COLEC12: variants seen among roughly 807,000 people sequenced by gnomAD.
The protein encoded by COLEC12 is collectin subfamily member 12.
A neutral mutation model predicts 71.1 loss-of-function variants in COLEC12; 33 were observed. The observed-to-expected ratio is 0.46, with a 90% CI of 0.35 to 0.62. The LOEUF is 0.62. Ranked by LOEUF, COLEC12 falls within the 20% of genes least tolerant of loss-of-function variation. The pLI, the probability that COLEC12 is intolerant of heterozygous loss-of-function variation, is 0.00. For missense variants in COLEC12, 765 were observed against 916.1 expected (o/e 0.84, Z 2.13); for synonymous variants, 350 against 353.0 (o/e 0.99, Z 0.10).
intron 3 of COLEC12, among the ~76,000 whole-genome samples, chr18:350,924 C>A (rs1278593300): frequency 1.4e-5 from 2 of 146,532 alleles, no homozygotes; most frequent in Non-Finnish European, 3.0e-5. Flanking sequence ...CACGCCATTG[C>A]ACTCCAGCCT....
intron 5 of COLEC12, among the ~76,000 whole-genome samples, chr18:345,471 C>T (rs1246213442): frequency 4.6e-5 from 7 of 152,134 alleles, no homozygotes; most frequent in Non-Finnish European, 8.8e-5. Context: ...CCTCAGCCTC[C>T]GAAAGTGTTA....
chr18:480,906 G>A lies in COLEC12; in HGVS notation c.8-149C>T. The A allele has an allele frequency of 1.4e-6, 1 of 735,900 alleles. No homozygotes were observed. Among genetic ancestry groups the A allele is most frequent in the East Asian group, 2.6e-5 (1 of 39,200 alleles). The allele number at this position is 735,900 out of a possible 1,614,324, so 45.6% of individuals were successfully genotyped here. A position where few individuals can be genotyped will look rare whatever the true frequency, so the allele number is the denominator to read the frequency against. ...CGCACCAGGCTTTCTGGAAGAGGCGGCAGGGGTCTCCACCCTGGCTGCTCC... is the reference window on the plus strand; with the variant it reads ...CGCACCAGGCTTTCTGGAAGAGGCGACAGGGGTCTCCACCCTGGCTGCTCC... On this transcript the variant is annotated intron_variant, in intron 1 of 9. Transcript: ENST00000400256. This position sits in a 1 kb window ranked among gnomAD's most constrained non-coding sequence, Gnocchi z 4.1.
At chr18:418,210 G>A (rs1406986304) in intron 2 of COLEC12, among the ~76,000 whole-genome samples, 2 of 152,200 alleles carry the variant, frequency 1.3e-5, no homozygotes, top group East Asian at 3.8e-4. Flanking sequence ...GTGGAGCAAA[G>A]TAGATAATGG....
At chr18:482,565 G>A (rs556974697) in intron 1 of COLEC12, among the ~76,000 whole-genome samples, 52 of 152,246 alleles carry the variant, frequency 3.4e-4, no homozygotes, top group Middle Eastern at 3.4e-3. Context: ...GACAGAGACT[G>A]CCAGGCTGTG....
intron 8 of COLEC12, among the ~76,000 whole-genome samples, chr18:325,038 A>G (rs1052047383): frequency 2.6e-5 from 4 of 151,608 alleles, no homozygotes; most frequent in African/African-American, 9.7e-5. Flanking sequence ...AAAAATTTAA[A>G]ATAAATTAGC....
chr18:333,844 T>C (rs921039026), intron 6 of COLEC12: 2 of 152,014 alleles, frequency 1.3e-5, no homozygotes, highest in African/African-American at 4.8e-5. Context: ...GAAGGAAATG[T>C]TTTGCATTGT....
At chr18:450,738 G>A (rs771733602) in intron 2 of COLEC12, among the ~76,000 whole-genome samples, 1 of 152,206 alleles carries the variant, frequency 6.6e-6, no homozygotes, top group Non-Finnish European at 1.5e-5. Context: ...ATGGGCAGAG[G>A]TTGGAGGAGT....
At chr18:320,538 A>T (rs115404872) in intron 9 of COLEC12, among the ~76,000 whole-genome samples, 154 of 152,368 alleles carry the variant, frequency 1.0e-3, no homozygotes, top group African/African-American at 3.6e-3. Flanking sequence ...TTCCAAAAAT[A>T]GTTTGACCAA....
chr18:473,764 C>T (rs1208241092), intron 2 of COLEC12, among the ~76,000 whole-genome samples: 1 of 152,226 alleles, frequency 6.6e-6, no homozygotes, highest in East Asian at 1.9e-4. Flanking sequence ...CCCTCAACAA[C>T]AAACACTGGA....
intron 1 of COLEC12, among the ~76,000 whole-genome samples, chr18:481,266 C>A (rs1917409982): frequency 1.3e-5 from 2 of 152,124 alleles, no homozygotes. Flanking sequence ...CTCTCAGGAG[C>A]CGACATAACT....
intron 2 of COLEC12, among the ~76,000 whole-genome samples, chr18:452,255 C>T (rs1788202365): frequency 6.6e-6 from 1 of 152,212 alleles, no homozygotes; most frequent in East Asian, 1.9e-4. Flanking sequence ...GTTCTGAAAG[C>T]AAATGTGGTT....
rs967926796 is a variant in COLEC12, at chr18:429,253, T to C, written c.58+51454A>G. The stretch of plus-strand genomic sequence containing the variant: ...TAACAAGAACACGTTGTCTCTCCCA[T>C]GGTAATGATGCAAATTTCAAAGTAT... On this transcript the variant is annotated intron_variant, in intron 2 of 9. Transcript: ENST00000400256. Among the ~76,000 whole-genome samples, 35 of 152,354 alleles carry C rather than the reference T, an allele frequency of 2.3e-4. No homozygotes were observed. The South Asian group carries it at 3.1e-3, about 14-fold the overall frequency.
chr18:374,622 T>C (rs1186739528), intron 2 of COLEC12, among the ~76,000 whole-genome samples: 2 of 152,184 alleles, frequency 1.3e-5, no homozygotes, highest in Admixed American at 6.5e-5. Flanking sequence ...CCAGAATTTG[T>C]ATAGACTAGC....
chr18:322,121 T>G (rs1913720302), intron 8 of COLEC12, among the ~76,000 whole-genome samples: 1 of 151,702 alleles, frequency 6.6e-6, no homozygotes, highest in Non-Finnish European at 1.5e-5. Context: ...CTTTCTAATG[T>G]GTACTGGAAT....
rs1290486648 is a variant in COLEC12 at position 423,245 on chromosome 18, G to A, written c.58+57462C>T. Reference sequence around the variant, plus strand: ...GATCATGCCACTGCACTCCAGCCTGGACAAGAGAGTGAGATCCTATCTCAA... The same window carrying A: ...GATCATGCCACTGCACTCCAGCCTGAACAAGAGAGTGAGATCCTATCTCAA... On this transcript the variant is annotated intron_variant, in intron 2 of 9. Transcript: ENST00000400256. 5.9e-5 allele frequency among the ~76,000 whole-genome samples: 9 copies of A among 152,142 alleles called. No homozygotes were observed. The South Asian group carries it at 1.9e-3, about 32-fold the overall frequency.
chr18:339,980 G>A (rs1245585770), intron 5 of COLEC12, among the ~76,000 whole-genome samples: 1 of 149,698 alleles, frequency 6.7e-6, no homozygotes, highest in Non-Finnish European at 1.5e-5. Flanking sequence ...CTCAGGCTTT[G>A]AGGTTGCACT....
At chr18:457,192 C>A (rs960450488) in intron 2 of COLEC12, among the ~76,000 whole-genome samples, 1 of 152,142 alleles carries the variant, frequency 6.6e-6, no homozygotes, top group African/African-American at 2.4e-5. Context: ...ACCCTGTGAA[C>A]GAACAGGCCT....
intron 2 of COLEC12, among the ~76,000 whole-genome samples, chr18:411,114 T>C (rs1032555526): frequency 6.6e-6 from 1 of 152,136 alleles, no homozygotes; most frequent in Non-Finnish European, 1.5e-5. Flanking sequence ...TGCTTAATAA[T>C]TAGCAATAAT....
chr18:419,614 G>A lies in COLEC12; in HGVS notation c.58+61093C>T, dbSNP rs564998015. 9.2e-5 allele frequency among the ~76,000 whole-genome samples: 14 copies of A among 152,356 alleles called. No homozygotes were observed. The South Asian group carries it at 2.9e-3, about 32-fold the overall frequency. ...GCTGTCAACAGTCTTTATACAGGAA[G>A]AACTCTGAAATGAACTGCAGTTGAA... On this transcript the variant is annotated intron_variant, in intron 2 of 9. Coordinates refer to ENST00000400256, the MANE Select transcript of COLEC12 (RefSeq NM_130386.3).
Sources: gnomAD v4.1 joint callset for allele counts (sites outside exome capture counted in the v4.1 genomes callset) on GRCh38, gnomAD v4.1.1 for gene constraint, Gnocchi (gnomAD v3.1) non-coding constraint, MANE v1.5 for transcripts, NCBI Gene and HGNC (gene_info 2026-07-23, HGNC 2026-07-21) for gene names.